ITPKC: variants seen among roughly 807,000 people sequenced by gnomAD.
The protein encoded by ITPKC is inositol-trisphosphate 3-kinase C, also known as IP3 3-kinase C.
In ITPKC, 33 loss-of-function variants were observed where a neutral mutation model predicts 67.1. The observed-to-expected ratio is 0.49, with a 90% confidence interval of 0.37 to 0.66. The LOEUF (loss-of-function observed/expected upper bound fraction) is 0.66. Among genes scored for constraint, ITPKC ranks in the 30% least tolerant of loss-of-function variants. The probability of loss-of-function intolerance (pLI) is 0.00; values close to 1 mark genes in which losing one functional copy is unlikely to be tolerated. For synonymous variants in ITPKC, 341 were observed against 359.8 expected (o/e 0.95, Z 0.59); for missense variants, 820 against 892.1 (o/e 0.92, Z 1.03).
chr19:40,734,262 C>T (rs1279592858), intron 4 of ITPKC, among the ~76,000 whole-genome samples: 2 of 152,158 alleles, frequency 1.3e-5, no homozygotes, highest in African/African-American at 4.8e-5. Context: ...GCCTGGTCCC[C>T]TATAGACAGA....
At chr19:40,732,515 G>C (rs762408559) in intron 3 of ITPKC, among the ~76,000 whole-genome samples, 2 of 128,904 alleles carry the variant, frequency 1.6e-5, no homozygotes, top group African/African-American at 5.8e-5. Context: ...TAGCTCGGGC[G>C]GGCGTCAAAA....
intron 1 of ITPKC, among the ~76,000 whole-genome samples, chr19:40,720,533 C>T (rs2082216985): frequency 7.8e-6 from 1 of 127,720 alleles, no homozygotes; most frequent in Non-Finnish European, 1.7e-5. Flanking sequence ...CTGTTCCTAA[C>T]TTGTCTCCCT....
In ITPKC at chr19:40,729,209, C is replaced by T; in HGVS notation, c.1263C>T (p.Phe421=). The T allele has an allele frequency of 6.2e-7, 1 of 1,613,872 alleles. No homozygotes were observed. Among genetic ancestry groups the T allele is most frequent in the Non-Finnish European group, 8.5e-7 (1 of 1,179,816 alleles). ...WVQLSGHAGN[F]QAGEDGRILK... ...TTATTCTACCACCTTTAGGGAACTT[C>T]CAGGCAGGAGAGGATGGTCGGATTC... The change falls in exon 3 of 7, where the codon TTC becomes TTT. Residue 421 remains phenylalanine (F), a synonymous_variant. Coordinates refer to ENST00000263370, the MANE Select transcript of ITPKC (RefSeq NM_025194.3).
At chr19:40,739,234 G>T in intron 6 of ITPKC, 123 bp from the exon 7 acceptor site, 1 of 678,854 alleles carries the variant, frequency 1.5e-6, no homozygotes, top group Non-Finnish European at 2.5e-6. Context: ...GCACAGCCAG[G>T]ATATGAATCA....
rs760060444 is a variant in ITPKC, at chr19:40,729,423, T to C, written c.1469+8T>C. On this transcript the variant is annotated splice_region_variant and intron_variant, in intron 3 of 6. Coordinates refer to ENST00000263370, the MANE Select transcript of ITPKC (RefSeq NM_025194.3). ...CTGCAAGATGGGCAGCAGGTGGGGC[T>C]GGGGCAGCCCTGGGGCAGGGATGGA... 1.2e-6 allele frequency: 2 copies of C among 1,609,656 alleles called. No homozygotes were observed. Among genetic ancestry groups the C allele is most frequent in the East Asian group, 4.5e-5 (2 of 44,802 alleles).
chr19:40,737,558 T>G, intron 5 of ITPKC, 140 bp from the exon 6 acceptor site: 1 of 729,354 alleles, frequency 1.4e-6, no homozygotes, highest in Non-Finnish European at 2.5e-6. Context: ...TCCTCTGCCC[T>G]GTCTTCCCCA....
In ITPKC at chr19:40,718,204, T is replaced by C; in HGVS notation, c.1069T>C (p.Phe357Leu). The change falls in exon 1 of 7, where the codon TTC becomes CTC. Residue 357 changes from phenylalanine to leucine, a missense_variant. This residue lies in a region of ITPKC where 481 missense variants were observed against 470.1 expected (regional missense o/e 1.02). Transcript: ENST00000263370. Reference protein sequence around the residue: ...PSRVEGGSGGFSSASSFDESE... With the variant: ...PSRVEGGSGGLSSASSFDESE... ...CCGGGTTGAGGGGGGCAGCGGCGGC[T>C]TCTCCTCTGCCTCTTCTTTCGACGA... 1.3e-6 allele frequency: 2 copies of C among 1,563,178 alleles called. No homozygotes were observed. Among genetic ancestry groups the C allele is most frequent in the Non-Finnish European group, 1.7e-6 (2 of 1,159,062 alleles).
At chr19:40,724,052 G>C (rs887357542) in intron 1 of ITPKC, among the ~76,000 whole-genome samples, 1 of 152,156 alleles carries the variant, frequency 6.6e-6, no homozygotes, top group Admixed American at 6.6e-5. Flanking sequence ...AACAAACGTG[G>C]CGAGTCATAA....
intron 6 of ITPKC, among the ~76,000 whole-genome samples, chr19:40,738,017 G>C (rs1329468979): frequency 6.6e-6 from 1 of 151,898 alleles, no homozygotes; most frequent in Non-Finnish European, 1.5e-5. Context: ...AAAAAGGCCG[G>C]GTGCAGTGGC....
intron 3 of ITPKC, 79 bp downstream of exon 3, chr19:40,729,494 G>A (rs2082261008): frequency 4.9e-6 from 6 of 1,232,464 alleles, no homozygotes; most frequent in South Asian, 2.6e-5. Flanking sequence ...GGCCAGGCGC[G>A]GTGGCTCACG....
chr19:40,737,044 C>A lies in ITPKC; in HGVS notation c.1733C>A (p.Thr578Lys), dbSNP rs1339874921. The change falls in exon 5 of 7, where the codon ACA becomes AAA. Residue 578 changes from threonine to lysine, a missense_variant. This residue lies in a region of ITPKC where 339 missense variants were observed against 422.0 expected (regional missense o/e 0.80). Transcript: ENST00000263370. ...AAGACGCAGGCACTGGAGCAGGTGA[C>A]AAAAGTGCTGGAGGACTTCGTGGAT... is the stretch of plus-strand genomic sequence containing the variant. The part of the protein sequence containing the change: ...FKKTQALEQV[T>K]KVLEDFVDGD... 1 of 1,592,788 alleles carries A rather than the reference C, an allele frequency of 6.3e-7. No homozygotes were observed. Among genetic ancestry groups the A allele is most frequent in the Non-Finnish European group, 8.6e-7 (1 of 1,168,082 alleles).
rs2082327830 is a variant in ITPKC at position 40,740,838 on chromosome 19, A to G, written c.*1278A>G. Reference sequence around the variant, plus strand: ...GCCTCCTACCCATGACAACACCCCAATAAACAGAACATTCAGAGCCAATGT... The same window carrying G: ...GCCTCCTACCCATGACAACACCCCAGTAAACAGAACATTCAGAGCCAATGT... On this transcript the variant is annotated 3_prime_UTR_variant, in exon 7 of 7. Transcript: ENST00000263370. 3 of 396,684 alleles carry G rather than the reference A, an allele frequency of 7.6e-6. No individual in the cohort carries two copies. The highest frequency in any genetic ancestry group is 2.1e-5 in the African/African-American group (1 of 48,716). The allele number at this position is 396,684 out of a possible 1,614,324, so 24.6% of individuals were successfully genotyped here. A position where few individuals can be genotyped will look rare whatever the true frequency, so the allele number is the denominator to read the frequency against.
intron 2 of ITPKC, among the ~76,000 whole-genome samples, chr19:40,727,239 CAGG>C (rs1176653308): frequency 2.0e-5 from 3 of 151,990 alleles, no homozygotes; most frequent in Non-Finnish European, 4.4e-5. Context: ...GAGGCTGAGG[CAGG>C]AGAATGGCGT....
Position 40,729,396 on chromosome 19 carries a change from G to A in ITPKC, c.1450G>A (p.Asp484Asn). The A allele has an allele frequency of 6.2e-7, 1 of 1,613,264 alleles. No individual in the cohort carries two copies. The highest frequency in any genetic ancestry group is 1.1e-5 in the South Asian group (1 of 90,876). The change falls in exon 3 of 7, where the codon GAC (aspartate) becomes AAC (asparagine). Residue 484 changes from aspartate to asparagine, a missense_variant. Coordinates refer to ENST00000263370, the MANE Select transcript of ITPKC (RefSeq NM_025194.3). ...LADFEGPSIM[D>N]CKMGSRTYLE... ...TGACTTTGAGGGCCCCTCCATTATG[G>A]ACTGCAAGATGGGCAGCAGGTGGGG...
intron 1 of ITPKC, 33 bp downstream of exon 1, chr19:40,718,323 T>C: frequency 1.3e-6 from 2 of 1,492,302 alleles, no homozygotes; most frequent in Non-Finnish European, 1.8e-6. Context: ...TTGAGCCACA[T>C]CACGCAAAAC....
At chr19:40,734,969 A>T (rs2082288401) in intron 4 of ITPKC, among the ~76,000 whole-genome samples, 1 of 152,080 alleles carries the variant, frequency 6.6e-6, no homozygotes, top group Non-Finnish European at 1.5e-5. Context: ...TTTAGTAGAG[A>T]CAGGGTTTCA....
chr19:40,729,958 TGA>T (rs2144745521), intron 3 of ITPKC, among the ~76,000 whole-genome samples: 1 of 152,216 alleles, frequency 6.6e-6, no homozygotes, highest in South Asian at 2.1e-4. Context: ...TTTTCCTCTT[TGA>T]GACAGAGTCT....
intron 2 of ITPKC, 85 bp from the exon 3 acceptor site, chr19:40,729,117 C>A: frequency 1.9e-6 from 2 of 1,044,738 alleles, no homozygotes; most frequent in Non-Finnish European, 3.0e-6. Context: ...TAATGGTGGC[C>A]AGGATCTGAT....
chr19:40,723,070 T>G (rs1482984579), intron 1 of ITPKC, among the ~76,000 whole-genome samples: 1 of 152,132 alleles, frequency 6.6e-6, no homozygotes, highest in Non-Finnish European at 1.5e-5. Context: ...CACACCATTC[T>G]CCTGCCTCAG....
Sources: gnomAD v4.1 joint callset for allele counts (sites outside exome capture counted in the v4.1 genomes callset) on GRCh38, gnomAD v4.1.1 for gene constraint, gnomAD v4.1.1 regional missense constraint, MANE v1.5 for transcripts, NCBI Gene and HGNC (gene_info 2026-07-23, HGNC 2026-07-21) for gene names.